The following STOX2 variants were observed in gnomAD, a reference collection of about 807,000 sequenced individuals.
STOX2 encodes the protein storkhead box 2.
STOX2 carries 28 observed loss-of-function variants against 60.9 expected under a neutral mutation model. That is an observed-to-expected ratio of 0.46 (90% CI 0.34 to 0.63). STOX2 has a LOEUF of 0.63. Among genes scored for constraint, STOX2 ranks in the 30% least tolerant of loss-of-function variants. The probability of loss-of-function intolerance (pLI) is 0.01; values close to 1 mark genes in which losing one functional copy is unlikely to be tolerated. For synonymous variants in STOX2, 472 were observed against 463.9 expected, an observed-to-expected ratio of 1.02 and a Z score of -0.22; for missense variants, 1,024 against 1,187.7, an observed-to-expected ratio of 0.86 and a Z score of 2.03.
rs1199851632 is a variant in STOX2 at position 183,874,953 on chromosome 4, ATATATATATAT to A, written c.364+76899_364+76909del. ...AAAAAAAAAAAAAAAAAAAAAAAAA[ATATATATATAT>A]ATATATATATATATATATATATATA... On this transcript the variant is annotated intron_variant, in intron 1 of 2. Transcript: ENST00000513034. Among the ~76,000 whole-genome samples the A allele has an allele frequency of 4.4e-3, 108 of 24,592 alleles. 1 individual carries two copies. The highest frequency in any genetic ancestry group is 7.0e-3 in the African/African-American group (42 of 5,990). 16.1% of individuals were successfully genotyped at this position (24,592 alleles called of 152,430 possible). A position where few individuals can be genotyped will look rare whatever the true frequency, so the allele number is the denominator to read the frequency against.
rs936321963 is a variant in STOX2 at position 184,001,410 on chromosome 4, A to G, written c.252A>G (p.Ala84=). 6.2e-7 allele frequency: 1 copy of G among 1,613,910 alleles called. No homozygotes were observed. Among genetic ancestry groups the G allele is most frequent in the African/African-American group, 1.3e-5 (1 of 75,002 alleles). ...AGATCCTCTGCTTGGCCATCTCAGC[A>G]ATGAACTCGGCAAGAAAGCCTGTCA... ...LGEILCLAIS[A]MNSARKPVTQ... is the part of the protein sequence containing the mutation. The change falls in exon 2 of 4, where the codon GCA becomes GCG. Residue 84 remains alanine (A), a synonymous_variant. Transcript: ENST00000308497. This position sits in a 1 kb window ranked among gnomAD's most constrained non-coding sequence, Gnocchi z 4.2.
intron 1 of STOX2, among the ~76,000 whole-genome samples, chr4:183,923,940 C>T (rs1272127569): frequency 6.6e-6 from 1 of 152,168 alleles, no homozygotes; most frequent in East Asian, 1.9e-4. Context: ...CATCTGTGGA[C>T]CAGCATTGAG....
At chr4:183,962,000 A>G (rs1743427612) in intron 1 of STOX2, among the ~76,000 whole-genome samples, 1 of 152,226 alleles carries the variant, frequency 6.6e-6, no homozygotes, top group Non-Finnish European at 1.5e-5. Flanking sequence ...GACCCCATGA[A>G]GAGAAATCCA....
rs1741606360 is a variant in STOX2, at chr4:183,906,433, T to G, written c.-358T>G. 5.2e-6 allele frequency: 1 copy of G among 190,576 alleles called. No individual in the cohort carries two copies. The highest frequency in any genetic ancestry group is 5.8e-5 in the Admixed American group (1 of 17,258). The allele number at this position is 190,576 out of a possible 1,614,324, so 11.8% of individuals were successfully genotyped here. On this transcript the variant is annotated 5_prime_UTR_variant, in exon 1 of 4. Transcript: ENST00000308497. ...GGCCATTGTCTGCGCTCCCATTGCC[T>G]TCACGCTGCAAGTCTCGGCGCCCCC...
chr4:183,852,589 C>G (rs544050471), intron 1 of STOX2, among the ~76,000 whole-genome samples: 5 of 150,040 alleles, frequency 3.3e-5, no homozygotes, highest in Admixed American at 1.3e-4. Flanking sequence ...ATGATGCTGC[C>G]TTATCATACT....
chr4:183,915,440 T>G (rs970407957), intron 1 of STOX2, among the ~76,000 whole-genome samples: 20 of 152,158 alleles, frequency 1.3e-4, no homozygotes, highest in African/African-American at 4.8e-4. Flanking sequence ...TTTTCCTTTT[T>G]GGCTGCCCAG....
At chr4:183,953,215 A>C (rs189637828) in intron 1 of STOX2, among the ~76,000 whole-genome samples, 187 of 152,296 alleles carry the variant, frequency 1.2e-3, no homozygotes, top group Middle Eastern at 3.4e-3. Flanking sequence ...GGTGTTTCCC[A>C]GATGGATTTT....
intron 1 of STOX2, among the ~76,000 whole-genome samples, chr4:183,846,928 G>A (rs1740003286): frequency 6.6e-6 from 1 of 151,942 alleles, no homozygotes; most frequent in Non-Finnish European, 1.5e-5. Flanking sequence ...TGCTTATTGT[G>A]GTTGCTGTTT....
In STOX2 at chr4:184,020,610, A is replaced by T. The variant is rs1157376061; in HGVS notation, c.*3326A>T. ...AAAGAGCTGTGCTGTGAATTCCACA[A>T]CTTCTGTTAAATAATTTGTATTCCA... On this transcript the variant is annotated 3_prime_UTR_variant, in exon 4 of 4. Coordinates refer to ENST00000308497, the MANE Select transcript of STOX2 (RefSeq NM_020225.3). The T allele has an allele frequency of 6.6e-6, 1 of 151,404 alleles. No individual in the cohort carries two copies. The highest frequency in any genetic ancestry group is 1.5e-5 in the Non-Finnish European group (1 of 67,988). 9.4% of individuals were successfully genotyped at this position (151,404 alleles called of 1,614,324 possible).
At chr4:183,895,640 A>G (rs577175658) in intron 1 of STOX2, among the ~76,000 whole-genome samples, 1 of 152,318 alleles carries the variant, frequency 6.6e-6, no homozygotes, top group East Asian at 1.9e-4. Flanking sequence ...AGATTCCTTA[A>G]TGACAGAAGA....
chr4:183,823,475 C>T (rs1018681633), intron 1 of STOX2, among the ~76,000 whole-genome samples: 1 of 152,214 alleles, frequency 6.6e-6, no homozygotes, highest in Non-Finnish European at 1.5e-5. Flanking sequence ...CAGAAGTAGA[C>T]TGTTGAAAGG....
chr4:183,940,467 C>A (rs1460817806), intron 1 of STOX2, among the ~76,000 whole-genome samples: 1 of 152,230 alleles, frequency 6.6e-6, no homozygotes, highest in African/African-American at 2.4e-5. Flanking sequence ...TGCAGAACTT[C>A]TCAAACGTGG....
At chr4:183,862,638 G>A (rs1381540076) in intron 1 of STOX2, among the ~76,000 whole-genome samples, 7 of 152,216 alleles carry the variant, frequency 4.6e-5, no homozygotes, top group South Asian at 2.1e-4. Context: ...AGGCTGGCAC[G>A]CATTTGAGTG....
At chr4:183,973,137 A>G (rs1327917219) in intron 1 of STOX2, among the ~76,000 whole-genome samples, 5 of 152,210 alleles carry the variant, frequency 3.3e-5, no homozygotes, top group Non-Finnish European at 5.9e-5. Context: ...CATTTGTGTA[A>G]TCAAAGTTCC....
chr4:183,992,448 C>G (rs1277918706), intron 1 of STOX2, among the ~76,000 whole-genome samples: 1 of 152,204 alleles, frequency 6.6e-6, no homozygotes, highest in African/African-American at 2.4e-5. Context: ...TCAGTGGAAA[C>G]TGGAGCATCT....
rs537360571 is a variant in STOX2 at position 183,821,326 on chromosome 4, C to T, written c.364+23271C>T. ...ATGCAGATAATGGCTTTATTTTCCT[C>T]CCTGTCTTAATAGGTGGAAGCCTGT... On this transcript the variant is annotated intron_variant, in intron 1 of 2. Coordinates refer to the STOX2 transcript ENST00000513034. The surrounding 1 kb of genome is among the most constrained non-coding windows in gnomAD (Gnocchi z 4.2). Among the ~76,000 whole-genome samples the T allele has an allele frequency of 1.3e-5, 2 of 152,284 alleles. No individual in the cohort carries two copies. The highest frequency in any genetic ancestry group is 4.2e-4 in the South Asian group (2 of 4,816).
chr4:183,932,971 T>C (rs1200659850), intron 1 of STOX2, among the ~76,000 whole-genome samples: 1 of 152,258 alleles, frequency 6.6e-6, no homozygotes. Flanking sequence ...AGAGCTTGCC[T>C]CTATTTTTCC....
At chr4:183,919,636 C>T (rs1487847851) in intron 1 of STOX2, among the ~76,000 whole-genome samples, 1 of 152,128 alleles carries the variant, frequency 6.6e-6, no homozygotes, top group East Asian at 1.9e-4. Context: ...AAGATGGTCT[C>T]ACTTTGTCAC....
rs548439022 is a variant in STOX2 at position 183,831,200 on chromosome 4, C to T, written c.364+33145C>T. On this transcript the variant is annotated intron_variant, in intron 1 of 2. Transcript: ENST00000513034. ...TGCTAAAGGTCTACAGGAGAGAAGA[C>T]GATTTGAAAGGCAGGATACAGTAGG... is the stretch of plus-strand genomic sequence containing the variant. 2.3e-4 allele frequency among the ~76,000 whole-genome samples: 35 copies of T among 152,094 alleles called. 1 individual carries two copies. Among genetic ancestry groups the T allele is most frequent in the Admixed American group, 1.7e-3 (26 of 15,262 alleles).
Sources: gnomAD v4.1 joint callset for allele counts (sites outside exome capture counted in the v4.1 genomes callset) on GRCh38, gnomAD v4.1.1 for gene constraint, Gnocchi (gnomAD v3.1) non-coding constraint, MANE v1.5 for transcripts, NCBI Gene and HGNC (gene_info 2026-07-23, HGNC 2026-07-21) for gene names.